Variants in TRPM3 observed in about 807,000 individuals in gnomAD.
The protein encoded by TRPM3 is transient receptor potential cation channel subfamily M member 3.
Under a neutral mutation model 181.2 loss-of-function variants are expected in TRPM3, and 77 were observed. The observed-to-expected ratio is 0.42, with a 90% CI of 0.35 to 0.51. The LOEUF is 0.51. TRPM3 is among the 20% of genes least tolerant of loss of function. The pLI is 0.01. For missense variants in TRPM3, 1,759 were observed against 2,196.7 expected, an observed-to-expected ratio of 0.80 and a Z score of 3.98; for synonymous variants, 745 against 796.4, an observed-to-expected ratio of 0.94 and a Z score of 1.09.
intron 12 of TRPM3, among the ~76,000 whole-genome samples, chr9:70,627,962 G>A (rs2064974818): frequency 6.6e-6 from 1 of 152,144 alleles, no homozygotes; most frequent in Admixed American, 6.5e-5. Context: ...TTTATGCAAA[G>A]CATGGCAAAA....
intron 1 of TRPM3, among the ~76,000 whole-genome samples, chr9:71,427,101 T>C (rs2093877690): frequency 6.6e-6 from 1 of 152,214 alleles, no homozygotes; most frequent in African/African-American, 2.4e-5. Flanking sequence ...TGATTAATTA[T>C]ACCTTAGAAC....
At chr9:70,566,702 C>T (rs1225901661) in intron 22 of TRPM3, among the ~76,000 whole-genome samples, 1 of 152,062 alleles carries the variant, frequency 6.6e-6, no homozygotes, top group Non-Finnish European at 1.5e-5. Flanking sequence ...AGGGAATGGC[C>T]CTGCTGTACC....
At chr9:70,596,420 A>T (rs995053914) in intron 21 of TRPM3, among the ~76,000 whole-genome samples, 1 of 152,202 alleles carries the variant, frequency 6.6e-6, no homozygotes, top group Non-Finnish European at 1.5e-5. Flanking sequence ...TACATATAGT[A>T]AATCTCAAGT....
chr9:70,911,093 C>A (rs1472480675), intron 1 of TRPM3, among the ~76,000 whole-genome samples: 1 of 152,104 alleles, frequency 6.6e-6, no homozygotes, highest in Non-Finnish European at 1.5e-5. Context: ...ATTTTCCTTA[C>A]CAGAGGACTT....
intron 1 of TRPM3, among the ~76,000 whole-genome samples, chr9:71,271,288 T>G (rs1039245680): frequency 1.3e-5 from 2 of 152,158 alleles, no homozygotes; most frequent in African/African-American, 4.8e-5. Context: ...TCATTATTAT[T>G]ATTATTGTTA....
intron 5 of TRPM3, among the ~76,000 whole-genome samples, chr9:70,831,520 C>T (rs1366729210): frequency 6.6e-6 from 1 of 151,728 alleles, no homozygotes; most frequent in African/African-American, 2.4e-5. Flanking sequence ...AGTCCTACTG[C>T]CCCGCAGCAT....
At chr9:71,031,709 ATC>A (rs2057325446) in intron 1 of TRPM3, among the ~76,000 whole-genome samples, 9 of 151,262 alleles carry the variant, frequency 5.9e-5, no homozygotes, top group Non-Finnish European at 1.3e-4. Context: ...ATATGTAAAA[ATC>A]TCAACTTCAG....
At chr9:70,750,868 G>A (rs1368864104) in intron 8 of TRPM3, among the ~76,000 whole-genome samples, 1 of 152,106 alleles carries the variant, frequency 6.6e-6, no homozygotes, top group East Asian at 1.9e-4. Flanking sequence ...AGCGCAAGCT[G>A]TAAGTATGGT....
chr9:71,016,139 C>CAAA (rs58566593), intron 1 of TRPM3, among the ~76,000 whole-genome samples: 2 of 117,162 alleles, frequency 1.7e-5, no homozygotes, highest in African/African-American at 6.4e-5. Context: ...GACTCCCTCT[C>CAAA]AAAAAAAAAA....
exon 1 of TRPM3, chr9:71,446,673 G>A: frequency 6.5e-7 from 1 of 1,550,296 alleles, no homozygotes; most frequent in Non-Finnish European, 8.7e-7. Flanking sequence ...TGCGACGGGA[G>A]TCCCGAGCGT....
At chr9:71,124,288 TAGAG>T (rs2073899404), upstream of TRPM3, among the ~76,000 whole-genome samples, 1 of 150,566 alleles carries the variant, frequency 6.6e-6, no homozygotes, top group South Asian at 2.1e-4. Flanking sequence ...TCCCCAGTTT[TAGAG>T]AGAGGTCTAA....
At chr9:71,331,926 G>A (rs967268355) in intron 1 of TRPM3, among the ~76,000 whole-genome samples, 15 of 52,034 alleles carry the variant, frequency 2.9e-4, no homozygotes, top group African/African-American at 9.0e-4. Context: ...GGAGGAAGAG[G>A]AAGAAGGTGA....
chr9:70,606,269 T>C (rs1385010330), intron 19 of TRPM3, among the ~76,000 whole-genome samples: 2 of 152,212 alleles, frequency 1.3e-5, no homozygotes, highest in African/African-American at 4.8e-5. Flanking sequence ...TATTATTCTG[T>C]TATTCTTTTT....
chr9:71,076,556 G>A (rs1425912148), intron 1 of TRPM3, among the ~76,000 whole-genome samples: 2 of 152,226 alleles, frequency 1.3e-5, no homozygotes, highest in Admixed American at 1.3e-4. Flanking sequence ...TTAGCACGAT[G>A]AACAACACCC....
At chr9:70,781,700 G>A (rs959489531) in intron 7 of TRPM3, among the ~76,000 whole-genome samples, 5 of 151,948 alleles carry the variant, frequency 3.3e-5, no homozygotes, top group Non-Finnish European at 7.4e-5. Flanking sequence ...TGTGGCTTTG[G>A]ACAAAGCGCT....
rs540815011 is a variant in TRPM3 at position 70,618,672 on chromosome 9, CA to C, written c.2358+194del. ...ATAGAGATGCTAATGCAGCAGGACC[CA>C]GGGGGAGGCCCCAGCCTCTATATGG... On this transcript the variant is annotated intron_variant, in intron 17 of 25. Transcript: ENST00000677713. Among the ~76,000 whole-genome samples, 173 of 152,340 alleles carry C rather than the reference CA, an allele frequency of 1.1e-3. 1 individual carries two copies. Among genetic ancestry groups the C allele is most frequent in the African/African-American group, 4.1e-3 (171 of 41,578 alleles).
At chr9:71,394,790 A>C (rs2132976270) in intron 1 of TRPM3, among the ~76,000 whole-genome samples, 1 of 152,320 alleles carries the variant, frequency 6.6e-6, no homozygotes, top group Middle Eastern at 3.4e-3. Flanking sequence ...AAAGCATCCA[A>C]GTCTACATCT....
intron 3 of TRPM3, among the ~76,000 whole-genome samples, chr9:70,856,725 T>A (rs1448645463): frequency 6.6e-6 from 1 of 152,154 alleles, no homozygotes; most frequent in Non-Finnish European, 1.5e-5. Context: ...GAAATAATTA[T>A]CTAAATCATA....
intron 1 of TRPM3, among the ~76,000 whole-genome samples, chr9:71,142,919 C>A (rs975337664): frequency 6.6e-6 from 1 of 150,492 alleles, no homozygotes; most frequent in Non-Finnish European, 1.5e-5. Flanking sequence ...TTGAGACCAT[C>A]CTGGGAACCA....
Sources: allele counts gnomAD v4.1 joint callset (sites outside exome capture counted in the v4.1 genomes callset), GRCh38; gene constraint gnomAD v4.1.1; transcripts MANE v1.5; gene names NCBI Gene and HGNC (gene_info 2026-07-23, HGNC 2026-07-21).